PRKCE: variants seen among roughly 807,000 people sequenced by gnomAD.
The protein encoded by PRKCE is protein kinase C epsilon.
PRKCE carries 16 observed loss-of-function variants against 85.4 expected under a neutral mutation model. The ratio of observed to expected loss-of-function variants is 0.19; its 90% confidence interval spans 0.13 to 0.28. The LOEUF (loss-of-function observed/expected upper bound fraction) is 0.28. PRKCE is among the 10% of genes least tolerant of loss of function. PRKCE has a pLI of 1.00. For missense variants in PRKCE, 573 were observed against 975.2 expected, an observed-to-expected ratio of 0.59 and a Z score of 5.49; for synonymous variants, 388 against 371.5, an observed-to-expected ratio of 1.04 and a Z score of -0.51.
chr2:46,088,695 G>A (rs1415697278), intron 11 of PRKCE, among the ~76,000 whole-genome samples: 1 of 152,112 alleles, frequency 6.6e-6, no homozygotes, highest in East Asian at 1.9e-4. Flanking sequence ...TGCAGGAGTT[G>A]GATACAATGC....
chr2:45,771,599 G>A lies in PRKCE; in HGVS notation c.349-71401G>A, dbSNP rs150118871. On this transcript the variant is annotated intron_variant, in intron 1 of 14. Coordinates refer to ENST00000306156, the MANE Select transcript of PRKCE (RefSeq NM_005400.3). ...CCATTGTGAAGTGGACTAAATCCTG[G>A]CCATCTTCCTCTTCCTCCCCCTTTG... Among the ~76,000 whole-genome samples, 11 of 152,248 alleles carry A rather than the reference G, an allele frequency of 7.2e-5. No homozygotes were observed. The East Asian group carries it at 2.1e-3, about 29-fold the overall frequency.
intron 1 of PRKCE, among the ~76,000 whole-genome samples, chr2:45,724,745 G>A (rs1350701808): frequency 6.6e-6 from 1 of 152,208 alleles, no homozygotes; most frequent in Non-Finnish European, 1.5e-5. Flanking sequence ...ATTCCCTTAA[G>A]CCAAAGCCTA....
intron 2 of PRKCE, among the ~76,000 whole-genome samples, chr2:45,916,880 C>T (rs1036418693): frequency 3.3e-5 from 5 of 152,106 alleles, no homozygotes; most frequent in African/African-American, 9.7e-5. Context: ...TGGATGTGTT[C>T]GGAGTTTCTT....
intron 2 of PRKCE, among the ~76,000 whole-genome samples, chr2:45,946,891 C>G (rs1021639658): frequency 1.3e-5 from 2 of 152,232 alleles, no homozygotes; most frequent in Admixed American, 6.5e-5. Flanking sequence ...GTAAAGTCTC[C>G]TTGGGTGGGC....
rs530506275 is a variant in PRKCE at position 45,940,258 on chromosome 2, G to A, written c.413-36171G>A. ...GTGAGAGGCCAGATTAGGGGTAGCT[G>A]TGGCTTCAAGGAGTGGCCTGCAAAG... On this transcript the variant is annotated intron_variant, in intron 2 of 14. Transcript: ENST00000306156. Among the ~76,000 whole-genome samples, 24 of 152,326 alleles carry A rather than the reference G, an allele frequency of 1.6e-4. No homozygotes were observed. In the East Asian group the frequency reaches 4.4e-3, roughly 28 times the overall value.
At chr2:46,169,100 C>CT (rs1678632727) in intron 14 of PRKCE, among the ~76,000 whole-genome samples, 1 of 152,272 alleles carries the variant, frequency 6.6e-6, no homozygotes, top group African/African-American at 2.4e-5. Context: ...TGCAAGCTGA[C>CT]TGGGGGGGTG....
chr2:46,132,268 C>G (rs1224361595), intron 11 of PRKCE, among the ~76,000 whole-genome samples: 2 of 152,194 alleles, frequency 1.3e-5, no homozygotes, highest in African/African-American at 4.8e-5. Context: ...TCTTGTCACA[C>G]TGTATGTGAT....
At chr2:45,703,864 A>G (rs907891371) in intron 1 of PRKCE, among the ~76,000 whole-genome samples, 1 of 152,212 alleles carries the variant, frequency 6.6e-6, no homozygotes, top group African/African-American at 2.4e-5. Context: ...TCTCATCCAT[A>G]TGCTCACAGA....
At chr2:45,928,168 A>AG (rs1698770088) in intron 2 of PRKCE, among the ~76,000 whole-genome samples, 4 of 152,222 alleles carry the variant, frequency 2.6e-5, no homozygotes. Context: ...ATCTATGGGA[A>AG]GAGGTGGCTG....
intron 2 of PRKCE, among the ~76,000 whole-genome samples, chr2:45,910,578 C>G (rs1414220998): frequency 6.6e-6 from 1 of 152,116 alleles, no homozygotes; most frequent in East Asian, 1.9e-4. Flanking sequence ...TATCTCCAAG[C>G]CTTGGTTACT....
intron 2 of PRKCE, among the ~76,000 whole-genome samples, chr2:45,847,265 G>T (rs949709201): frequency 6.6e-6 from 1 of 152,148 alleles, no homozygotes; most frequent in Non-Finnish European, 1.5e-5. Context: ...TCAGAGCCTG[G>T]GCTTGTCCCA....
At chr2:46,122,998 CT>C (rs1673468525) in intron 11 of PRKCE, among the ~76,000 whole-genome samples, 1 of 150,368 alleles carries the variant, frequency 6.7e-6, no homozygotes, top group African/African-American at 2.4e-5. Flanking sequence ...TATTTCCTCC[CT>C]GGTAAAATCT....
intron 1 of PRKCE, among the ~76,000 whole-genome samples, chr2:45,762,956 C>CT (rs11322742): frequency 0.088 from 11,927 of 135,312 alleles, 1,686 homozygotes; most frequent in African/African-American, 0.32. Flanking sequence ...TTCTTTTCTT[C>CT]TTTTTTTTTT....
chr2:45,679,591 G>A (rs1004993106), intron 1 of PRKCE, among the ~76,000 whole-genome samples: 3 of 152,174 alleles, frequency 2.0e-5, no homozygotes, highest in Non-Finnish European at 4.4e-5. Context: ...GGTTGTAATA[G>A]TTATGAAGCC....
intron 1 of PRKCE, among the ~76,000 whole-genome samples, chr2:45,678,404 A>G (rs997727981): frequency 2.6e-5 from 4 of 152,216 alleles, no homozygotes; most frequent in Non-Finnish European, 4.4e-5. Flanking sequence ...AATTTCTCCA[A>G]TGTTGTCTTC....
chr2:46,030,432 A>G (rs2104941611), intron 10 of PRKCE, among the ~76,000 whole-genome samples: 1 of 152,270 alleles, frequency 6.6e-6, no homozygotes, highest in South Asian at 2.1e-4. Context: ...GGCGGTCCCA[A>G]ATACCAACTT....
chr2:45,955,523 T>C (rs1312949341), intron 2 of PRKCE, among the ~76,000 whole-genome samples: 1 of 152,210 alleles, frequency 6.6e-6, no homozygotes, highest in Non-Finnish European at 1.5e-5. Context: ...ATAGGCTATT[T>C]ACATGCTCCA....
chr2:46,061,824 A>G (rs1045862378), intron 10 of PRKCE, among the ~76,000 whole-genome samples: 1 of 129,296 alleles, frequency 7.7e-6, no homozygotes. Context: ...TACGTTAAGT[A>G]TTTCTTTTCT....
In PRKCE at chr2:46,184,248, G is replaced by A. The variant is rs1004585507; in HGVS notation, c.2068-487G>A. ...TTCGTGGTGAGAGTAAGTGGAAATC[G>A]AGGCAGGCTTGTGGAGAGGATGTCA... On this transcript the variant is annotated intron_variant, in intron 14 of 14. Transcript: ENST00000306156. This position sits in a 1 kb window ranked among gnomAD's most constrained non-coding sequence, Gnocchi z 5.0. Among the ~76,000 whole-genome samples the A allele has an allele frequency of 2.0e-5, 3 of 152,134 alleles. No homozygotes were observed. The highest frequency in any genetic ancestry group is 1.9e-4 in the East Asian group (1 of 5,194).
Sources: gnomAD v4.1 joint callset for allele counts (sites outside exome capture counted in the v4.1 genomes callset) on GRCh38, gnomAD v4.1.1 for gene constraint, Gnocchi (gnomAD v3.1) non-coding constraint, MANE v1.5 for transcripts, NCBI Gene and HGNC (gene_info 2026-07-23, HGNC 2026-07-21) for gene names.